The following INTS9 variants were observed in gnomAD, a reference collection of about 807,000 sequenced individuals.
The protein encoded by INTS9 is protein related to CPSF subunits of 74 kDa.
A neutral mutation model predicts 79.7 loss-of-function variants in INTS9; 55 were observed. That is an observed-to-expected ratio of 0.69 (90% CI 0.56 to 0.86). The LOEUF (loss-of-function observed/expected upper bound fraction) is 0.86, where lower values mean the gene tolerates loss of function less well. INTS9 is among the 40% of genes least tolerant of loss of function. The probability of loss-of-function intolerance (pLI) is 0.00; values close to 1 mark genes in which losing one functional copy is unlikely to be tolerated. For synonymous variants in INTS9, 319 were observed against 325.2 expected (o/e 0.98, Z 0.20); for missense variants, 721 against 831.5 (o/e 0.87, Z 1.64).
intron 2 of INTS9, among the ~76,000 whole-genome samples, chr8:28,856,708 T>C (rs1808182919): frequency 6.6e-6 from 1 of 152,232 alleles, no homozygotes; most frequent in South Asian, 2.1e-4. Flanking sequence ...TCTGAGCAAT[T>C]TACTTTTTGT....
At chr8:28,864,558 G>A (rs895196232) in intron 1 of INTS9, among the ~76,000 whole-genome samples, 2 of 152,080 alleles carry the variant, frequency 1.3e-5, no homozygotes, top group African/African-American at 2.4e-5. Context: ...ACATACCACT[G>A]AGAAAAACAG....
In INTS9 at chr8:28,876,956, G is replaced by A. The variant is rs1428388748; in HGVS notation, c.9+12918C>T. Reference sequence around the variant, plus strand: ...GAAACATTTAAAAAAAGAAATAAAGGAAAAGACATGTCTTATTCTTAGACT... The same window carrying A: ...GAAACATTTAAAAAAAGAAATAAAGAAAAAGACATGTCTTATTCTTAGACT... On this transcript the variant is annotated intron_variant, in intron 1 of 16. Coordinates refer to ENST00000521022, the MANE Select transcript of INTS9 (RefSeq NM_018250.4). 3.9e-5 allele frequency among the ~76,000 whole-genome samples: 6 copies of A among 151,936 alleles called. No individual in the cohort carries two copies. In the South Asian group the frequency reaches 1.2e-3, roughly 32 times the overall value.
intron 1 of INTS9, among the ~76,000 whole-genome samples, chr8:28,859,800 C>T (rs370807337): frequency 7.9e-5 from 12 of 152,260 alleles, no homozygotes; most frequent in African/African-American, 2.6e-4. Context: ...AAGGCAAGCC[C>T]GGTTTTACAT....
At position 28,796,767 on chromosome 8, in the gene INTS9, G is replaced by A. The variant is rs191555228; in HGVS notation, c.745-112C>T. 6 of 732,386 alleles carry A rather than the reference G, an allele frequency of 8.2e-6. No homozygotes were observed. In the East Asian group the frequency reaches 1.4e-4, roughly 17 times the overall value. The allele number at this position is 732,386 out of a possible 1,614,324, so 45.4% of individuals were successfully genotyped here. On this transcript the variant is annotated intron_variant, in intron 8 of 16. Coordinates refer to ENST00000521022, the MANE Select transcript of INTS9 (RefSeq NM_018250.4). ...CTCTTTCTACGTTTAACCCATCATC[G>A]AGTTCTCTTATGTTCTCTAAGGAAT...
intron 11 of INTS9, 141 bp downstream of exon 11, chr8:28,787,688 C>CT (rs1183649034): frequency 4.0e-6 from 2 of 495,170 alleles, no homozygotes; most frequent in Admixed American, 6.7e-5. Context: ...AGTTAAAATA[C>CT]TTCCCTGTGT....
At chr8:28,846,678 T>C in intron 4 of INTS9, 69 bp downstream of exon 4, 1 of 1,178,204 alleles carries the variant, frequency 8.5e-7, no homozygotes, top group Non-Finnish European at 1.3e-6. Context: ...TTAAAATTAT[T>C]TCTTGACTTC....
chr8:28,780,064 TTTTTC>T (rs1437587147), intron 12 of INTS9, among the ~76,000 whole-genome samples: 2 of 150,712 alleles, frequency 1.3e-5, no homozygotes. Flanking sequence ...TTTTTTTTTT[TTTTTC>T]TTTTTTCTTC....
chr8:28,875,044 T>A (rs574669350), intron 1 of INTS9, among the ~76,000 whole-genome samples: 2 of 152,106 alleles, frequency 1.3e-5, no homozygotes, highest in Non-Finnish European at 2.9e-5. Context: ...TTTAAAACCA[T>A]CAGATCTTGT....
At chr8:28,800,704 C>T (rs545345272) in intron 8 of INTS9, among the ~76,000 whole-genome samples, 1 of 152,320 alleles carries the variant, frequency 6.6e-6, no homozygotes, top group African/African-American at 2.4e-5. Flanking sequence ...TGCATGTACA[C>T]ATCTTCTCCC....
intron 1 of INTS9, among the ~76,000 whole-genome samples, chr8:28,879,268 T>G (rs1809566622): frequency 6.6e-6 from 1 of 151,822 alleles, no homozygotes; most frequent in African/African-American, 2.4e-5. Context: ...CAAGTCTGGT[T>G]TAACATTCAA....
At chr8:28,835,428 A>C in intron 5 of INTS9, 50 bp from the exon 6 acceptor site, 1 of 1,322,494 alleles carries the variant, frequency 7.6e-7, no homozygotes, top group Non-Finnish European at 1.1e-6. Context: ...AATTAGAGAA[A>C]CACCCCATAC....
chr8:28,870,604 C>T (rs1250815446), intron 1 of INTS9, among the ~76,000 whole-genome samples: 2 of 152,124 alleles, frequency 1.3e-5, no homozygotes, highest in Non-Finnish European at 2.9e-5. Flanking sequence ...TAGAAATATG[C>T]TTTCTTTTCT....
chr8:28,872,327 A>C (rs530255738), intron 1 of INTS9, among the ~76,000 whole-genome samples: 1 of 152,206 alleles, frequency 6.6e-6, no homozygotes, highest in Non-Finnish European at 1.5e-5. Flanking sequence ...CAACAGTAGA[A>C]TATGTCCACA....
intron 6 of INTS9, among the ~76,000 whole-genome samples, chr8:28,831,305 G>A (rs1357184243): frequency 1.3e-5 from 2 of 152,190 alleles, no homozygotes; most frequent in African/African-American, 4.8e-5. Context: ...GGGCCTCTCA[G>A]GGAGTGTGCG....
chr8:28,821,215 G>A (rs985438565), intron 6 of INTS9, among the ~76,000 whole-genome samples: 3 of 152,206 alleles, frequency 2.0e-5, no homozygotes, highest in East Asian at 3.9e-4. Flanking sequence ...AAGACATACT[G>A]AGACTGGGAA....
intron 16 of INTS9, among the ~76,000 whole-genome samples, chr8:28,768,791 A>G (rs1187790850): frequency 6.6e-6 from 1 of 152,196 alleles, no homozygotes; most frequent in African/African-American, 2.4e-5. Flanking sequence ...AAGGACAGAA[A>G]TTCCTTACAA....
At chr8:28,882,912 CCA>C (rs1272266935) in intron 1 of INTS9, among the ~76,000 whole-genome samples, 5 of 152,204 alleles carry the variant, frequency 3.3e-5, no homozygotes, top group African/African-American at 9.6e-5. Context: ...AAAGTTCCCA[CCA>C]CACAGTTACT....
At chr8:28,820,901 G>T (rs1192994673) in intron 6 of INTS9, among the ~76,000 whole-genome samples, 1 of 148,238 alleles carries the variant, frequency 6.7e-6, no homozygotes, top group African/African-American at 2.5e-5. Context: ...TGACAACACA[G>T]ATAAGGTAAA....
chr8:28,795,445 G>A (rs1804152081), intron 9 of INTS9, among the ~76,000 whole-genome samples: 1 of 152,004 alleles, frequency 6.6e-6, no homozygotes, highest in Non-Finnish European at 1.5e-5. Context: ...TTCGAGACCA[G>A]ATGGGCCAAC....
Sources: gnomAD v4.1 joint callset for allele counts (sites outside exome capture counted in the v4.1 genomes callset) on GRCh38, gnomAD v4.1.1 for gene constraint, MANE v1.5 for transcripts, NCBI Gene and HGNC (gene_info 2026-07-23, HGNC 2026-07-21) for gene names.